STUB1: variants seen among roughly 807,000 people sequenced by gnomAD.
The protein encoded by STUB1 is STIP1 homology and U-box containing protein 1.
A neutral mutation model predicts 40.3 loss-of-function variants in STUB1; 37 were observed. That is an observed-to-expected ratio of 0.92 (90% CI 0.71 to 1.21). The LOEUF is 1.21. Ranked by LOEUF, STUB1 falls within the 50% of genes most tolerant of loss-of-function variation. The pLI, the probability that STUB1 is intolerant of heterozygous loss-of-function variation, is 0.00. For missense variants in STUB1, 460 were observed against 421.9 expected (o/e 1.09, Z -0.79); for synonymous variants, 246 against 171.9 (o/e 1.43, Z -3.37).
chr16:681,097 G>A, intron 1 of STUB1, 55 bp from the exon 2 acceptor site: 1 of 1,508,850 alleles, frequency 6.6e-7, no homozygotes, highest in Non-Finnish European at 9.0e-7. Context: ...CCGTGGGTCA[G>A]AGTGGGCACG....
At position 682,148 on chromosome 16, in the gene STUB1, G is replaced by A. The variant is rs1596551983; in HGVS notation, c.670-17G>A. ...GTGCCCCTTTTCAGCCTCTGACCGT[G>A]TGCCCCTGTGCCACAGAAGCGAGAC... On this transcript the variant is annotated splice_polypyrimidine_tract_variant and intron_variant, in intron 5 of 6. Coordinates refer to ENST00000219548, the MANE Select transcript of STUB1 (RefSeq NM_005861.4). 6.3e-7 allele frequency: 1 copy of A among 1,597,990 alleles called. No individual in the cohort carries two copies. The highest frequency in any genetic ancestry group is 1.7e-5 in the Admixed American group (1 of 59,734).
At chr16:681,990 C>A (rs755200477) in intron 4 of STUB1, 30 bp from the exon 5 acceptor site, 1 of 1,610,490 alleles carries the variant, frequency 6.2e-7, no homozygotes, top group African/African-American at 1.3e-5. Flanking sequence ...TGGGGTGTCT[C>A]CCCCAAGCAC....
At position 680,744 on chromosome 16, in the gene STUB1, C is replaced by G; in HGVS notation, c.159+60C>G. On this transcript the variant is annotated intron_variant, in intron 1 of 6. Transcript: ENST00000219548. The surrounding 1 kb of genome is among the most constrained non-coding windows in gnomAD (Gnocchi z 4.9). Reference sequence around the variant, plus strand: ...GGCACCGGGGAGGGCCGGGCCCGGGCCCGGCCGGCCCCACCGAGGGTCTGG... The same window carrying G: ...GGCACCGGGGAGGGCCGGGCCCGGGGCCGGCCGGCCCCACCGAGGGTCTGG... The G allele has an allele frequency of 8.6e-7, 1 of 1,169,154 alleles. No homozygotes were observed. 72.4% of individuals were successfully genotyped at this position (1,169,154 alleles called of 1,614,324 possible).
chr16:682,769 C>G lies in STUB1; in HGVS notation c.*280C>G, dbSNP rs933307616. ...CGAGGTGGGACGTGCTGGTGTGTGA[C>G]CGGCAGTCCTGCCAGCTGTTTTGGC... On this transcript the variant is annotated 3_prime_UTR_variant, in exon 7 of 7. Transcript: ENST00000219548. The G allele has an allele frequency of 6.2e-7, 1 of 1,611,388 alleles. No homozygotes were observed. The highest frequency in any genetic ancestry group is 1.3e-5 in the African/African-American group (1 of 74,922).
Position 680,952 on chromosome 16 carries a change from T to C in STUB1, c.160-200T>C. The C allele has an allele frequency of 7.1e-6, 5 of 706,082 alleles. No homozygotes were observed. The South Asian group carries it at 1.0e-4, about 14-fold the overall frequency. 43.7% of individuals were successfully genotyped at this position (706,082 alleles called of 1,614,324 possible). The stretch of plus-strand genomic sequence containing the variant: ...CGGACTCTCCAAAGATTTGGAAAAC[T>C]TTACAAAACCAAGTGGAATCAAGCG... On this transcript the variant is annotated intron_variant, in intron 1 of 6. Transcript: ENST00000219548. The surrounding 1 kb of genome is among the most constrained non-coding windows in gnomAD (Gnocchi z 4.9).
In STUB1 at chr16:680,701, G is replaced by C. The variant is rs1279054348; in HGVS notation, c.159+17G>C. The C allele has an allele frequency of 8.2e-7, 1 of 1,217,814 alleles. No homozygotes were observed. The highest frequency in any genetic ancestry group is 2.4e-4 in the Middle Eastern group (1 of 4,124). The allele number at this position is 1,217,814 out of a possible 1,614,324, so 75.4% of individuals were successfully genotyped here. A position where few individuals can be genotyped will look rare whatever the true frequency, so the allele number is the denominator to read the frequency against. ...CGCGCGATCGTGAGTGCGCCCGCGC[G>C]GGGAGGGCGGCGGCGGTGGCACCGG... On this transcript the variant is annotated intron_variant, in intron 1 of 6. Coordinates refer to ENST00000219548, the MANE Select transcript of STUB1 (RefSeq NM_005861.4). This position sits in a 1 kb window ranked among gnomAD's most constrained non-coding sequence, Gnocchi z 4.9.
Position 682,579 on chromosome 16 carries a change from C to A in STUB1, c.*90C>A. ...ACATAGTTTATGTTCCTGGCCACCC[C>A]GACCGCTTCCCCCAAGTTCTGCTGT... On this transcript the variant is annotated 3_prime_UTR_variant, in exon 7 of 7. Coordinates refer to ENST00000219548, the MANE Select transcript of STUB1 (RefSeq NM_005861.4). 1.3e-6 allele frequency: 2 copies of A among 1,557,524 alleles called. No individual in the cohort carries two copies. Among genetic ancestry groups the A allele is most frequent in the Non-Finnish European group, 1.7e-6 (2 of 1,144,054 alleles).
Position 680,854 on chromosome 16 carries a change from A to C in STUB1, c.159+170A>C. The C allele has an allele frequency of 2.1e-6, 1 of 476,930 alleles. No homozygotes were observed. Among genetic ancestry groups the C allele is most frequent in the Non-Finnish European group, 3.2e-6 (1 of 317,362 alleles). 29.5% of individuals were successfully genotyped at this position (476,930 alleles called of 1,614,324 possible). ...CCGGGTGCCGGAGAACGAGGGTGCGATGCTGGATGGAGGCCGGCCGGGTGG... is the reference window on the plus strand; with the variant it reads ...CCGGGTGCCGGAGAACGAGGGTGCGCTGCTGGATGGAGGCCGGCCGGGTGG... On this transcript the variant is annotated intron_variant, in intron 1 of 6. Transcript: ENST00000219548. This position sits in a 1 kb window ranked among gnomAD's most constrained non-coding sequence, Gnocchi z 4.9.
At position 680,879 on chromosome 16, in the gene STUB1, G is replaced by C. The variant is rs569158766; in HGVS notation, c.159+195G>C. 1.8e-3 allele frequency: 1,079 copies of C among 603,958 alleles called. 6 individuals carry two copies. Among genetic ancestry groups the C allele is most frequent in the Non-Finnish European group, 1.6e-3 (608 of 386,472 alleles). 37.4% of individuals were successfully genotyped at this position (603,958 alleles called of 1,614,324 possible). A position where few individuals can be genotyped will look rare whatever the true frequency, so the allele number is the denominator to read the frequency against. ...ATGCTGGATGGAGGCCGGCCGGGTG[G>C]GGGGAGGGCAGGGGCCCTCGACCCT... is the stretch of plus-strand genomic sequence containing the variant. On this transcript the variant is annotated intron_variant, in intron 1 of 6. Coordinates refer to ENST00000219548, the MANE Select transcript of STUB1 (RefSeq NM_005861.4). The surrounding 1 kb of genome is among the most constrained non-coding windows in gnomAD (Gnocchi z 4.9).
chr16:682,029 A>C lies in STUB1; in HGVS notation c.622A>C (p.Met208Leu). Reference sequence around the variant, plus strand: ...ACTCAACTCTTCACAGGACAAGTACATGGCGGACATGGACGAGCTTTTTTC... The same window carrying C: ...ACTCAACTCTTCACAGGACAAGTACCTGGCGGACATGGACGAGCTTTTTTC... ...ACIEAKHDKY[M>L]ADMDELFSQV... Residue 208 changes from methionine (M) to leucine (L), a missense_variant, in exon 5 of 7, where the codon ATG becomes CTG. Coordinates refer to ENST00000219548, the MANE Select transcript of STUB1 (RefSeq NM_005861.4). 2 of 1,595,530 alleles carry C rather than the reference A, an allele frequency of 1.3e-6. No homozygotes were observed. The highest frequency in any genetic ancestry group is 1.7e-6 in the Non-Finnish European group (2 of 1,166,270).
At chr16:682,308 G>A (rs780137104) in intron 6 of STUB1, 27 bp downstream of exon 6, 1 of 1,612,538 alleles carries the variant, frequency 6.2e-7, no homozygotes, top group African/African-American at 1.3e-5. Context: ...GGGGAGCAGG[G>A]CCAGTGGCAT....
Position 682,214 on chromosome 16 carries a change from T to C in STUB1, c.719T>C (p.Met240Thr), listed in dbSNP as rs587777345. 6.2e-7 allele frequency: 1 copy of C among 1,612,940 alleles called. No individual in the cohort carries two copies. Among genetic ancestry groups the C allele is most frequent in the Non-Finnish European group, 8.5e-7 (1 of 1,179,828 alleles). Residue 240 changes from methionine to threonine, a missense_variant, in exon 6 of 7, where the codon ATG becomes ACG. Coordinates refer to ENST00000219548, the MANE Select transcript of STUB1 (RefSeq NM_005861.4). ...YLCGKISFEL[M>T]REPCITPSGI... ...TGTGGCAAGATCAGCTTTGAGCTGA[T>C]GCGGGAGCCGTGCATCACGCCCAGT...
At position 681,897 on chromosome 16, in the gene STUB1, C is replaced by T; in HGVS notation, c.612+17C>T. The T allele has an allele frequency of 6.2e-7, 1 of 1,613,000 alleles. No individual in the cohort carries two copies. The highest frequency in any genetic ancestry group is 8.5e-7 in the Non-Finnish European group (1 of 1,179,906). On this transcript the variant is annotated intron_variant, in intron 4 of 6. Transcript: ENST00000219548. ...GCCAAGCACGTGAGGGTGCCCCCCA[C>T]CCACATGTGGGTCTGTGTGTGTGCA...
rs2039721956 is a variant in STUB1, at chr16:682,682, G to A, written c.*193G>A. On this transcript the variant is annotated 3_prime_UTR_variant, in exon 7 of 7. Coordinates refer to ENST00000219548, the MANE Select transcript of STUB1 (RefSeq NM_005861.4). ...TCCCCCTTTGTGGGCTGGAAAAGCAGGTGAGGGTGGGCTGGGCTGAGGCCA... is the reference window on the plus strand; with the variant it reads ...TCCCCCTTTGTGGGCTGGAAAAGCAAGTGAGGGTGGGCTGGGCTGAGGCCA... The A allele has an allele frequency of 1.2e-4, 176 of 1,430,104 alleles. 1 individual carries two copies. In the South Asian group the frequency reaches 2.1e-3, roughly 17 times the overall value. 88.6% of individuals were successfully genotyped at this position (1,430,104 alleles called of 1,614,324 possible).
At position 682,410 on chromosome 16, in the gene STUB1, A is replaced by C; in HGVS notation, c.833A>C (p.Glu278Ala). ...DPVTRSPLTQ[E>A]QLIPNLAMKE... ...GTGACCCGGAGCCCCCTGACCCAGG[A>C]ACAGCTCATCCCCAACTTGGCTATG... Residue 278 changes from glutamate to alanine, a missense_variant, in exon 7 of 7, where the codon GAA becomes GCA. Physicochemically the swap from Glu to Ala is moderately radical, Grantham distance 107. Transcript: ENST00000219548. 1 of 1,613,370 alleles carries C rather than the reference A, an allele frequency of 6.2e-7. No homozygotes were observed. The highest frequency in any genetic ancestry group is 1.7e-5 in the Admixed American group (1 of 60,022).
rs753255370 is a variant in STUB1 at position 681,794 on chromosome 16, G to A, written c.526G>A (p.Glu176Lys). The change falls in exon 4 of 7, where the codon GAG becomes AAG. Residue 176 changes from glutamate (E) to lysine (K), a missense_variant and splice_region_variant. Glu to Lys is a moderately conservative substitution (Grantham distance 56, BLOSUM62 1). Coordinates refer to ENST00000219548, the MANE Select transcript of STUB1 (RefSeq NM_005861.4). Reference sequence around the variant, plus strand: ...GACCGGCTCCTGGTCAACCCCCAGGGAGCTGGAAGAGTGCCAGCGAAACCA... The same window carrying A: ...GACCGGCTCCTGGTCAACCCCCAGGAAGCTGGAAGAGTGCCAGCGAAACCA... ...SRLIAAERERELEECQRNHEG... is the reference protein window; with the variant it reads ...SRLIAAERERKLEECQRNHEG... 19 of 1,596,214 alleles carry A rather than the reference G, an allele frequency of 1.2e-5. No individual in the cohort carries two copies. The highest frequency in any genetic ancestry group is 2.2e-5 in the East Asian group (1 of 44,542).
chr16:680,515 CG>C lies in STUB1; in HGVS notation c.-10del. The C allele has an allele frequency of 8.1e-7, 1 of 1,240,972 alleles. No individual in the cohort carries two copies. Among genetic ancestry groups the C allele is most frequent in the African/African-American group, 1.6e-5 (1 of 63,380 alleles). The allele number at this position is 1,240,972 out of a possible 1,614,324, so 76.9% of individuals were successfully genotyped here. ...CTTGGGAGCGGAGCCCAGGCCGTGCCGCGCGGCGCCATGAAGGGCAAGGAGG... is the reference window on the plus strand; with the variant it reads ...CTTGGGAGCGGAGCCCAGGCCGTGCCCGCGGCGCCATGAAGGGCAAGGAGG... On this transcript the variant is annotated 5_prime_UTR_variant, in exon 1 of 7. Coordinates refer to ENST00000219548, the MANE Select transcript of STUB1 (RefSeq NM_005861.4). This position sits in a 1 kb window ranked among gnomAD's most constrained non-coding sequence, Gnocchi z 4.9.
In STUB1 at chr16:681,843, A is replaced by C; in HGVS notation, c.575A>C (p.His192Pro). Residue 192 changes from histidine (H) to proline (P), a missense_variant, in exon 4 of 7, where the codon CAC (histidine) becomes CCC (proline). Transcript: ENST00000219548. ...RNHEGDEDDS[H>P]VRAQQACIEA... ...CACGAGGGTGATGAGGACGACAGCC[A>C]CGTCCGGGCCCAGCAGGCCTGCATT... 6.2e-7 allele frequency: 1 copy of C among 1,611,294 alleles called. No individual in the cohort carries two copies. The highest frequency in any genetic ancestry group is 8.5e-7 in the Non-Finnish European group (1 of 1,178,838).
chr16:682,516 G>C lies in STUB1; in HGVS notation c.*27G>C, dbSNP rs781465330. The C allele has an allele frequency of 2.5e-6, 4 of 1,612,468 alleles. No individual in the cohort carries two copies. The highest frequency in any genetic ancestry group is 3.4e-6 in the Non-Finnish European group (4 of 1,179,688). Reference sequence around the variant, plus strand: ...GTTCCCTGCCCTACCTGGCGTCCTGGTCCAGGGGAGCCCTGGGCAGAAGCC... The same window carrying C: ...GTTCCCTGCCCTACCTGGCGTCCTGCTCCAGGGGAGCCCTGGGCAGAAGCC... On this transcript the variant is annotated 3_prime_UTR_variant, in exon 7 of 7. Coordinates refer to ENST00000219548, the MANE Select transcript of STUB1 (RefSeq NM_005861.4).
Sources: allele counts gnomAD v4.1 joint callset, GRCh38; gene constraint gnomAD v4.1.1; non-coding constraint Gnocchi (gnomAD v3.1); transcripts MANE v1.5; gene names NCBI Gene and HGNC (gene_info 2026-07-23, HGNC 2026-07-21).